Variants in ITGA1 observed in about 807,000 individuals in gnomAD.
ITGA1 encodes integrin subunit alpha 1, also known as integrin alpha-1.
Under a neutral mutation model 145.9 loss-of-function variants are expected in ITGA1, and 85 were observed. That is an observed-to-expected ratio of 0.58 (90% CI 0.49 to 0.70). The LOEUF (loss-of-function observed/expected upper bound fraction) is 0.70. ITGA1 is among the 30% of genes least tolerant of loss of function. ITGA1 has a pLI of 0.00. For synonymous variants in ITGA1, 520 were observed against 495.3 expected (o/e 1.05, Z -0.66); for missense variants, 1,351 against 1,418.7 (o/e 0.95, Z 0.77).
At chr5:52,946,060 G>A (rs1471222709) in intron 27 of ITGA1, among the ~76,000 whole-genome samples, 1 of 151,998 alleles carries the variant, frequency 6.6e-6, no homozygotes, top group Non-Finnish European at 1.5e-5. Flanking sequence ...CTAAATATTA[G>A]TTAAAAATTC....
At position 52,861,456 on chromosome 5, in the gene ITGA1, T is replaced by A; in HGVS notation, c.192T>A (p.Ile64=). Residue 64 remains isoleucine (I), a synonymous_variant, in exon 3 of 29, where the codon ATT becomes ATA. Transcript: ENST00000282588. ...YENEEGKWVL[I]GSPLVGQPKN... ...TTTATTTAACTTCCAGGGTGCTTAT[T>A]GGTTCTCCGTTAGTTGGCCAACCCA... 1 of 1,610,342 alleles carries A rather than the reference T, an allele frequency of 6.2e-7. No individual in the cohort carries two copies. Among genetic ancestry groups the A allele is most frequent in the Non-Finnish European group, 8.5e-7 (1 of 1,176,770 alleles).
chr5:52,885,316 T>C (rs949459852), intron 7 of ITGA1, among the ~76,000 whole-genome samples: 10 of 152,196 alleles, frequency 6.6e-5, no homozygotes, highest in African/African-American at 2.4e-4. Flanking sequence ...TTCAAGCTTC[T>C]GATCATGGCC....
chr5:52,887,827 C>T lies in ITGA1; in HGVS notation c.786C>T (p.Phe262=), dbSNP rs780292837. The part of the protein sequence containing the change: ...LGIDTARKEA[F]TEARGARRGV... ...GTGATTACTTTAGAAAGGAGGCATTCACGGAAGCCCGGGGTGCCCGAAGAG... is the reference window on the plus strand; with the variant it reads ...GTGATTACTTTAGAAAGGAGGCATTTACGGAAGCCCGGGGTGCCCGAAGAG... The change falls in exon 8 of 29, where the codon TTC becomes TTT. Residue 262 remains phenylalanine, a synonymous_variant. Coordinates refer to ENST00000282588, the MANE Select transcript of ITGA1 (RefSeq NM_181501.2). The T allele has an allele frequency of 1.2e-6, 2 of 1,612,182 alleles. No homozygotes were observed. Among genetic ancestry groups the T allele is most frequent in the South Asian group, 2.2e-5 (2 of 90,856 alleles).
chr5:52,898,511 C>A lies in ITGA1; in HGVS notation c.1309+128C>A, dbSNP rs931754779. On this transcript the variant is annotated intron_variant, in intron 11 of 28. Coordinates refer to ENST00000282588, the MANE Select transcript of ITGA1 (RefSeq NM_181501.2). ...ATTATTTCAACAAGTTGGGTATTTT[C>A]CAGAACCCATGCAAAGTTTTAGGCC... 5 of 842,448 alleles carry A rather than the reference C, an allele frequency of 5.9e-6. No individual in the cohort carries two copies. The East Asian group carries it at 1.4e-4, about 23-fold the overall frequency. The allele number at this position is 842,448 out of a possible 1,614,324, so 52.2% of individuals were successfully genotyped here. A position where few individuals can be genotyped will look rare whatever the true frequency, so the allele number is the denominator to read the frequency against.
At chr5:52,914,807 C>T (rs774439783) in intron 14 of ITGA1, among the ~76,000 whole-genome samples, 60 of 152,118 alleles carry the variant, frequency 3.9e-4, no homozygotes, top group Non-Finnish European at 7.1e-4. Flanking sequence ...TAAGCTTGAA[C>T]CAATGCTAAG....
chr5:52,857,761 T>C (rs2111765359), intron 2 of ITGA1, among the ~76,000 whole-genome samples: 1 of 152,346 alleles, frequency 6.6e-6, no homozygotes, highest in African/African-American at 2.4e-5. Context: ...ATATTTACTT[T>C]TAGGGCCTCA....
chr5:52,888,670 G>T (rs770125300), intron 8 of ITGA1, among the ~76,000 whole-genome samples: 4 of 152,326 alleles, frequency 2.6e-5, no homozygotes, highest in African/African-American at 4.8e-5. Flanking sequence ...TTACCCAAAT[G>T]GTATGCCAAT....
chr5:52,932,287 C>T (rs939518545), intron 22 of ITGA1, 151 bp downstream of exon 22: 23 of 581,468 alleles, frequency 4.0e-5, no homozygotes, highest in Non-Finnish European at 6.4e-5. Context: ...AAATCAGAAA[C>T]TCGGAGGATG....
intron 2 of ITGA1, among the ~76,000 whole-genome samples, chr5:52,854,552 C>T (rs1196035938): frequency 2.6e-5 from 4 of 152,146 alleles, no homozygotes; most frequent in South Asian, 2.1e-4. Flanking sequence ...AAGAAATTGG[C>T]GAGCAGAATT....
intron 19 of ITGA1, among the ~76,000 whole-genome samples, chr5:52,926,373 C>G (rs767926751): frequency 6.6e-6 from 1 of 151,994 alleles, no homozygotes; most frequent in African/African-American, 2.4e-5. Context: ...GAGACCGAGG[C>G]GGGCAAATCA....
chr5:52,906,100 G>C (rs981252815), intron 12 of ITGA1, among the ~76,000 whole-genome samples, 192 bp downstream of exon 12: 2 of 152,050 alleles, frequency 1.3e-5, no homozygotes, highest in Admixed American at 1.3e-4. Flanking sequence ...TGGGTGTGGA[G>C]GTAAGATATA....
chr5:52,844,415 G>T (rs1487919377), intron 1 of ITGA1, among the ~76,000 whole-genome samples: 2 of 152,104 alleles, frequency 1.3e-5, no homozygotes, highest in African/African-American at 4.8e-5. Flanking sequence ...ATATCACTTT[G>T]TACTAGCCCT....
intron 20 of ITGA1, 145 bp from the exon 21 acceptor site, chr5:52,929,480 A>G: frequency 1.7e-6 from 1 of 602,130 alleles, no homozygotes; most frequent in South Asian, 2.0e-5. Context: ...ATCTATTTTG[A>G]GATACAATAA....
Position 52,887,830 on chromosome 5 carries a change from G to A in ITGA1, c.789G>A (p.Thr263=), listed in dbSNP as rs985238019. 1 of 1,612,244 alleles carries A rather than the reference G, an allele frequency of 6.2e-7. No individual in the cohort carries two copies. The highest frequency in any genetic ancestry group is 8.5e-7 in the Non-Finnish European group (1 of 1,178,854). Residue 263 remains threonine (T), a synonymous_variant, in exon 8 of 29, where the codon ACG becomes ACA. Transcript: ENST00000282588. ...ATTACTTTAGAAAGGAGGCATTCACGGAAGCCCGGGGTGCCCGAAGAGGAG... is the reference window on the plus strand; with the variant it reads ...ATTACTTTAGAAAGGAGGCATTCACAGAAGCCCGGGGTGCCCGAAGAGGAG... ...GIDTARKEAF[T]EARGARRGVK...
At chr5:52,801,848 A>G (rs1193016240) in intron 1 of ITGA1, 4 of 1,562,832 alleles carry the variant, frequency 2.6e-6, no homozygotes, top group Admixed American at 3.6e-5. Flanking sequence ...TAATGATTGA[A>G]ACTTAAAATT....
At chr5:52,796,382 T>C (rs1284233807) in intron 1 of ITGA1, among the ~76,000 whole-genome samples, 1 of 151,926 alleles carries the variant, frequency 6.6e-6, no homozygotes, top group African/African-American at 2.4e-5. Flanking sequence ...TTAAAGTTAC[T>C]GATATAAAGA....
intron 1 of ITGA1, among the ~76,000 whole-genome samples, chr5:52,804,695 A>C (rs1052504064): frequency 6.6e-6 from 1 of 152,210 alleles, no homozygotes; most frequent in Non-Finnish European, 1.5e-5. Context: ...TAAGCAACCA[A>C]GTATACATAT....
At chr5:52,910,960 A>T (rs933355060) in intron 14 of ITGA1, among the ~76,000 whole-genome samples, 9 of 133,766 alleles carry the variant, frequency 6.7e-5, no homozygotes, top group Non-Finnish European at 9.2e-5. Context: ...TAGTATATAC[A>T]CTATATATAC....
chr5:52,920,124 A>T (rs1415300775), intron 16 of ITGA1, among the ~76,000 whole-genome samples: 1 of 152,188 alleles, frequency 6.6e-6, no homozygotes, highest in Non-Finnish European at 1.5e-5. Flanking sequence ...AGCACAGTGA[A>T]CTCAGAGACC....
Sources: allele counts gnomAD v4.1 joint callset (sites outside exome capture counted in the v4.1 genomes callset), GRCh38; gene constraint gnomAD v4.1.1; transcripts MANE v1.5; gene names NCBI Gene and HGNC (gene_info 2026-07-23, HGNC 2026-07-21).